UQCC1: variants seen among roughly 807,000 people sequenced by gnomAD.
UQCC1 encodes the protein bFGF-repressed Zic-binding protein.
UQCC1 carries 38 observed loss-of-function variants against 48.0 expected under a neutral mutation model. The ratio of observed to expected loss-of-function variants is 0.79; its 90% CI spans 0.61 to 1.04. The LOEUF (loss-of-function observed/expected upper bound fraction) is 1.04. Among genes scored for constraint, UQCC1 ranks in the 50% least tolerant of loss-of-function variants. UQCC1 has a pLI of 0.00. For synonymous variants in UQCC1, 111 were observed against 129.2 expected, an observed-to-expected ratio of 0.86 and a Z score of 0.95; for missense variants, 368 against 381.8, an observed-to-expected ratio of 0.96 and a Z score of 0.30.
intron 2 of UQCC1, among the ~76,000 whole-genome samples, chr20:35,391,065 G>A (rs761392764): frequency 6.6e-5 from 10 of 151,778 alleles, no homozygotes; most frequent in Non-Finnish European, 1.0e-4. Context: ...GTGTGGTGGC[G>A]GGCACCTGCA....
intron 7 of UQCC1, among the ~76,000 whole-genome samples, chr20:35,323,479 A>G (rs1269549533): frequency 1.3e-5 from 2 of 152,252 alleles, no homozygotes; most frequent in Non-Finnish European, 2.9e-5. Flanking sequence ...ATTATTATCT[A>G]TATTAAAGGA....
chr20:35,345,975 AAAG>A (rs1193937762), intron 7 of UQCC1: 1 of 152,162 alleles, frequency 6.6e-6, no homozygotes, highest in Non-Finnish European at 1.5e-5. Flanking sequence ...AACATAAACA[AAAG>A]AAGATACTAG....
At chr20:35,308,624 T>C (rs1404495306) in intron 8 of UQCC1, among the ~76,000 whole-genome samples, 7 of 152,268 alleles carry the variant, frequency 4.6e-5, no homozygotes, top group Admixed American at 4.6e-4. Context: ...ACAACCCAAC[T>C]GTTTCAGACT....
intron 1 of UQCC1, among the ~76,000 whole-genome samples, chr20:35,400,555 G>C (rs1182685876): frequency 6.6e-6 from 1 of 151,304 alleles, no homozygotes; most frequent in East Asian, 1.9e-4. Flanking sequence ...GAGTGCAGTG[G>C]TGGGATCTCA....
intron 7 of UQCC1, among the ~76,000 whole-genome samples, chr20:35,334,335 G>C (rs1433390908): frequency 6.6e-6 from 1 of 152,184 alleles, no homozygotes; most frequent in East Asian, 1.9e-4. Flanking sequence ...CACACACAAG[G>C]ATCTCAAAAT....
At chr20:35,408,153 G>C (rs114917471) in intron 1 of UQCC1, among the ~76,000 whole-genome samples, 318 of 152,258 alleles carry the variant, frequency 2.1e-3, no homozygotes, top group African/African-American at 7.4e-3. Context: ...ATAAGGCCAC[G>C]TGTGGTGGTT....
chr20:35,302,905 A>T lies in UQCC1; in HGVS notation c.*1030T>A, dbSNP rs1600839437. ...ATGAAGGAAGTTTGATGGGGGAGGG[A>T]GGGGCAATATGGTTCCCCACCCCCT... is the stretch of plus-strand genomic sequence containing the variant. On this transcript the variant is annotated 3_prime_UTR_variant, in exon 10 of 10. Coordinates refer to ENST00000374385, the MANE Select transcript of UQCC1 (RefSeq NM_018244.5). The T allele has an allele frequency of 6.6e-6, 1 of 152,274 alleles. No homozygotes were observed. The highest frequency in any genetic ancestry group is 1.9e-4 in the East Asian group (1 of 5,184). The allele number at this position is 152,274 out of a possible 1,614,324, so 9.4% of individuals were successfully genotyped here.
intron 6 of UQCC1, among the ~76,000 whole-genome samples, chr20:35,358,966 T>C (rs1199245163): frequency 6.6e-6 from 1 of 152,146 alleles, no homozygotes; most frequent in Non-Finnish European, 1.5e-5. Context: ...TGATCTCTTT[T>C]ACATATAAGA....
At chr20:35,338,568 C>T (rs945643014) in intron 7 of UQCC1, among the ~76,000 whole-genome samples, 3 of 151,710 alleles carry the variant, frequency 2.0e-5, no homozygotes, top group South Asian at 2.1e-4. Flanking sequence ...CTTTTGGGGC[C>T]GGGCACGGGG....
At chr20:35,394,225 G>C in intron 1 of UQCC1, 29 bp from the exon 2 acceptor site, 1 of 1,580,558 alleles carries the variant, frequency 6.3e-7, no homozygotes, top group South Asian at 1.1e-5. Flanking sequence ...AATCTGTCAG[G>C]AATCTAAATC....
chr20:35,359,443 A>G (rs1484051492), intron 6 of UQCC1, among the ~76,000 whole-genome samples: 1 of 152,174 alleles, frequency 6.6e-6, no homozygotes, highest in Admixed American at 6.5e-5. Context: ...AAGGAATAGG[A>G]GAGTTTCCTA....
At chr20:35,393,882 T>A (rs924770156) in intron 2 of UQCC1, among the ~76,000 whole-genome samples, 2 of 152,158 alleles carry the variant, frequency 1.3e-5, no homozygotes, top group Admixed American at 6.5e-5. Flanking sequence ...TAGCATGGTA[T>A]CCTAGGCTAA....
At chr20:35,405,086 G>C (rs963040530) in intron 1 of UQCC1, among the ~76,000 whole-genome samples, 2 of 152,200 alleles carry the variant, frequency 1.3e-5, no homozygotes, top group African/African-American at 4.8e-5. Flanking sequence ...ATAGCAGGAA[G>C]TGAAAGTTAA....
chr20:35,393,505 C>CAA, intron 2 of UQCC1, among the ~76,000 whole-genome samples: 1 of 23,696 alleles, frequency 4.2e-5, no homozygotes, highest in East Asian at 7.1e-3. Flanking sequence ...CACACACAAA[C>CAA]ACACACACAC....
chr20:35,328,807 G>A (rs1056654325), intron 7 of UQCC1, among the ~76,000 whole-genome samples: 2 of 152,182 alleles, frequency 1.3e-5, no homozygotes, highest in African/African-American at 4.8e-5. Flanking sequence ...CCTGGAAGAA[G>A]CCTGCAGTGA....
At chr20:35,338,579 G>A (rs1568665823) in intron 7 of UQCC1, among the ~76,000 whole-genome samples, 1 of 151,794 alleles carries the variant, frequency 6.6e-6, no homozygotes, top group Non-Finnish European at 1.5e-5. Flanking sequence ...GGGCACGGGG[G>A]CTCATGCCTG....
chr20:35,341,233 A>AG, intron 7 of UQCC1, among the ~76,000 whole-genome samples: 12 of 122,740 alleles, frequency 9.8e-5, no homozygotes, highest in African/African-American at 3.3e-4. Context: ...AAAAAAAAAA[A>AG]AAAAAGAAAG....
intron 6 of UQCC1, among the ~76,000 whole-genome samples, chr20:35,360,108 A>G (rs2088709614): frequency 6.6e-6 from 1 of 152,206 alleles, no homozygotes; most frequent in Non-Finnish European, 1.5e-5. Context: ...CAGCGCACTT[A>G]GGGTATGCAA....
At chr20:35,379,089 T>C (rs1426100559) in intron 4 of UQCC1, among the ~76,000 whole-genome samples, 1 of 152,220 alleles carries the variant, frequency 6.6e-6, no homozygotes. Context: ...AAACCTATTC[T>C]ATGGCATGTG....
Sources: allele counts gnomAD v4.1 joint callset (sites outside exome capture counted in the v4.1 genomes callset), GRCh38; gene constraint gnomAD v4.1.1; transcripts MANE v1.5; gene names NCBI Gene and HGNC (gene_info 2026-07-23, HGNC 2026-07-21).